The following RUNX1T1 variants were observed in gnomAD, a reference collection of about 807,000 sequenced individuals.
RUNX1T1 encodes the protein RUNX1 partner transcriptional co-repressor 1, also known as protein CBFA2T1.
In RUNX1T1, 4 loss-of-function variants were observed where a neutral mutation model predicts 62.8. The observed-to-expected ratio is 0.06, with a 90% CI of 0.03 to 0.15. The LOEUF (loss-of-function observed/expected upper bound fraction) is 0.15. Ranked by LOEUF, RUNX1T1 falls within the 10% of genes least tolerant of loss-of-function variation. The pLI is 1.00. For missense variants in RUNX1T1, 508 were observed against 754.3 expected (o/e 0.67, Z 3.82); for synonymous variants, 291 against 286.0 (o/e 1.02, Z -0.18).
chr8:91,970,621 C>A, intron 10 of RUNX1T1, 37 bp downstream of exon 11: 1 of 1,532,684 alleles, frequency 6.5e-7, no homozygotes, highest in South Asian at 1.3e-5. Context: ...TGAATGAAAA[C>A]TATCTTGTTT....
chr8:91,987,890 T>C (rs755320348), intron 6 of RUNX1T1, among the ~76,000 whole-genome samples: 4 of 152,168 alleles, frequency 2.6e-5, no homozygotes, highest in Non-Finnish European at 4.4e-5. Flanking sequence ...TTTTAAATGA[T>C]CAAAACTATT....
At chr8:92,021,329 T>G (rs959452236) in intron 1 of RUNX1T1, among the ~76,000 whole-genome samples, 1 of 152,146 alleles carries the variant, frequency 6.6e-6, no homozygotes, top group Non-Finnish European at 1.5e-5. Context: ...AATGATGCTA[T>G]GTAGTGACTC....
At chr8:92,072,900 A>G (rs916772050) in intron 2 of RUNX1T1, among the ~76,000 whole-genome samples, 1 of 152,242 alleles carries the variant, frequency 6.6e-6, no homozygotes, top group Admixed American at 6.5e-5. Context: ...CATTTTAAAA[A>G]TACCTCTTTT....
At chr8:92,041,620 T>TA (rs1828470992) in intron 1 of RUNX1T1, among the ~76,000 whole-genome samples, 1 of 152,050 alleles carries the variant, frequency 6.6e-6, no homozygotes, top group African/African-American at 2.4e-5. Flanking sequence ...CATGCGCCTG[T>TA]AACCCCAGCT....
At chr8:92,000,156 A>T (rs1819484771) in intron 5 of RUNX1T1, among the ~76,000 whole-genome samples, 1 of 151,986 alleles carries the variant, frequency 6.6e-6, no homozygotes. Context: ...AAATACAAAA[A>T]ATTAGCCGGG....
intron 1 of RUNX1T1, among the ~76,000 whole-genome samples, chr8:92,039,575 A>AT (rs1203924594): frequency 2.0e-5 from 3 of 152,080 alleles, no homozygotes; most frequent in African/African-American, 4.8e-5. Context: ...CCAAATGATG[A>AT]TTTTTCACTG....
At chr8:91,976,715 T>C (rs1586773588) in intron 8 of RUNX1T1, among the ~76,000 whole-genome samples, 1 of 152,258 alleles carries the variant, frequency 6.6e-6, no homozygotes, top group Non-Finnish European at 1.5e-5. Context: ...ACTTCTAAAA[T>C]ATGTTCATGG....
intron 1 of RUNX1T1, among the ~76,000 whole-genome samples, chr8:92,041,698 C>T (rs763729331): frequency 9.9e-5 from 15 of 152,074 alleles, no homozygotes; most frequent in African/African-American, 1.4e-4. Flanking sequence ...GCCGAGATCA[C>T]GCAACTGCAC....
At chr8:92,012,881 G>A (rs1488684291) in intron 3 of RUNX1T1, among the ~76,000 whole-genome samples, 1 of 152,028 alleles carries the variant, frequency 6.6e-6, no homozygotes, top group African/African-American at 2.4e-5. Flanking sequence ...AAGTTATAAT[G>A]AATTAATGTC....
intron 1 of RUNX1T1, among the ~76,000 whole-genome samples, chr8:92,039,260 G>T (rs1161411787): frequency 1.3e-5 from 2 of 151,872 alleles, no homozygotes; most frequent in Admixed American, 6.6e-5. Flanking sequence ...AACCGCCTTG[G>T]TCTCCCCAAG....
chr8:91,962,439 ATAG>A (rs1284034336), intron 10 of RUNX1T1, among the ~76,000 whole-genome samples: 10 of 152,384 alleles, frequency 6.6e-5, no homozygotes, highest in South Asian at 2.1e-4. Flanking sequence ...ATTTGAATGA[ATAG>A]TAGTAGAACA....
At chr8:92,082,107 G>C (rs1214246514) in intron 1 of RUNX1T1, among the ~76,000 whole-genome samples, 1 of 151,960 alleles carries the variant, frequency 6.6e-6, no homozygotes, top group African/African-American at 2.4e-5. Context: ...GGATGGTCTC[G>C]ATCTCCTGAC....
chr8:91,970,970 G>A, intron 9 of RUNX1T1, 122 bp from the exon 11 acceptor site: 2 of 733,364 alleles, frequency 2.7e-6, no homozygotes, highest in South Asian at 5.2e-5. Context: ...GAACCCCTGG[G>A]CTCAAGTTAT....
intron 1 of RUNX1T1, among the ~76,000 whole-genome samples, chr8:92,034,135 C>T (rs879513090): frequency 6.6e-6 from 1 of 151,950 alleles, no homozygotes; most frequent in Non-Finnish European, 1.5e-5. Context: ...TGAACACACA[C>T]GAGTAGAAAA....
chr8:92,031,249 GT>G (rs1362603308), intron 1 of RUNX1T1, among the ~76,000 whole-genome samples: 8 of 152,216 alleles, frequency 5.3e-5, no homozygotes, highest in Non-Finnish European at 1.0e-4. Context: ...TAGGCCCTTA[GT>G]TTTTTGTACT....
Position 92,010,998 on chromosome 8 carries a change from A to G in RUNX1T1, c.477+4T>C. On this transcript the variant is annotated splice_donor_region_variant and intron_variant, in intron 4 of 10. Coordinates refer to ENST00000396218, the Ensembl canonical transcript of RUNX1T1. ...ACTTTACAGACCAGTGAACTGTGCAATACCTTCAAAAATGGGATGACAAAA... is the reference window on the plus strand; with the variant it reads ...ACTTTACAGACCAGTGAACTGTGCAGTACCTTCAAAAATGGGATGACAAAA... 1.3e-6 allele frequency: 2 copies of G among 1,546,020 alleles called. 1 individual carries two copies. Among genetic ancestry groups the G allele is most frequent in the South Asian group, 2.2e-5 (2 of 89,714 alleles).
chr8:92,015,527 T>C (rs894221219), intron 2 of RUNX1T1, among the ~76,000 whole-genome samples: 3 of 152,206 alleles, frequency 2.0e-5, no homozygotes, highest in African/African-American at 4.8e-5. Flanking sequence ...TCTGATAAAA[T>C]TTGTTTGAAC....
chr8:92,055,037 A>G (rs1314503446), intron 1 of RUNX1T1, among the ~76,000 whole-genome samples: 1 of 152,172 alleles, frequency 6.6e-6, no homozygotes, highest in Non-Finnish European at 1.5e-5. Flanking sequence ...AAATAAAAAA[A>G]TACACTCAGC....
At chr8:92,060,553 A>ATATATATATATATATATATGTGTGTGTG in intron 1 of RUNX1T1, among the ~76,000 whole-genome samples, 9 of 63,920 alleles carry the variant, frequency 1.4e-4, no homozygotes, top group African/African-American at 2.3e-4. Flanking sequence ...ATATATATAT[A>ATATATATATATATATATATGTGTGTGTG]TGTGTGTGTG....
Sources: allele counts gnomAD v4.1 joint callset (sites outside exome capture counted in the v4.1 genomes callset), GRCh38; gene constraint gnomAD v4.1.1; transcripts MANE v1.5; gene names NCBI Gene and HGNC (gene_info 2026-07-23, HGNC 2026-07-21).